Variants in ASTN2 observed in about 807,000 individuals in gnomAD.
The protein encoded by ASTN2 is astrotactin-2.
Under a neutral mutation model 139.8 loss-of-function variants are expected in ASTN2, and 54 were observed. The ratio of observed to expected loss-of-function variants is 0.39; its 90% CI spans 0.31 to 0.48. The LOEUF is 0.48. Ranked by LOEUF, ASTN2 falls within the 20% of genes least tolerant of loss-of-function variation. The pLI, the probability that ASTN2 is intolerant of heterozygous loss-of-function variation, is 0.95. For synonymous variants in ASTN2, 756 were observed against 719.5 expected (o/e 1.05, Z -0.81); for missense variants, 1,565 against 1,725.1 (o/e 0.91, Z 1.64).
intron 1 of ASTN2, among the ~76,000 whole-genome samples, chr9:117,394,265 A>T (rs892033880): frequency 7.9e-5 from 12 of 152,348 alleles, no homozygotes; most frequent in African/African-American, 2.9e-4. Context: ...AAATTTCTGC[A>T]ATACTGGACA....
chr9:117,091,171 A>C (rs924355774), intron 5 of ASTN2, among the ~76,000 whole-genome samples: 2 of 152,204 alleles, frequency 1.3e-5, no homozygotes, highest in Non-Finnish European at 2.9e-5. Flanking sequence ...GGCAGGCATA[A>C]AGCGAGACAA....
At chr9:116,735,109 C>A (rs187948679) in intron 13 of ASTN2, among the ~76,000 whole-genome samples, 1 of 152,150 alleles carries the variant, frequency 6.6e-6, no homozygotes, top group African/African-American at 2.4e-5. Flanking sequence ...AGCTGGGATA[C>A]GAACCCAGGT....
intron 5 of ASTN2, among the ~76,000 whole-genome samples, chr9:117,094,089 A>G (rs1398397993): frequency 6.7e-6 from 1 of 150,348 alleles, no homozygotes; most frequent in Non-Finnish European, 1.5e-5. Flanking sequence ...TGTGGTATGT[A>G]TCAAAGGAAG....
chr9:116,569,721 G>C (rs2131684791), intron 19 of ASTN2, among the ~76,000 whole-genome samples: 1 of 152,280 alleles, frequency 6.6e-6, no homozygotes, highest in Middle Eastern at 3.4e-3. Flanking sequence ...CATATGGTAG[G>C]CTGCGTGATG....
intron 15 of ASTN2, among the ~76,000 whole-genome samples, chr9:116,727,483 G>C (rs1013130686): frequency 4.6e-5 from 7 of 152,082 alleles, no homozygotes; most frequent in African/African-American, 7.2e-5. Context: ...CTTCTAACAG[G>C]AACATCATAG....
chr9:116,902,914 A>G (rs983382135), intron 10 of ASTN2, among the ~76,000 whole-genome samples: 2 of 152,068 alleles, frequency 1.3e-5, no homozygotes, highest in African/African-American at 4.8e-5. Flanking sequence ...GGCTATTCCC[A>G]TGTCTTTGAA....
chr9:117,298,070 A>T (rs1282894436), intron 1 of ASTN2, among the ~76,000 whole-genome samples: 1 of 152,102 alleles, frequency 6.6e-6, no homozygotes, highest in Non-Finnish European at 1.5e-5. Flanking sequence ...CCAGGATGAA[A>T]TTTCTAACTT....
chr9:116,971,550 C>A (rs1309113879), intron 10 of ASTN2, among the ~76,000 whole-genome samples: 1 of 152,158 alleles, frequency 6.6e-6, no homozygotes, highest in South Asian at 2.1e-4. Context: ...AAGCCACAGA[C>A]CTAGCATACT....
chr9:116,974,449 A>G (rs1836289950), intron 10 of ASTN2, among the ~76,000 whole-genome samples: 1 of 152,084 alleles, frequency 6.6e-6, no homozygotes, highest in South Asian at 2.1e-4. Flanking sequence ...AGGATAATGT[A>G]AAGTGAAATG....
At chr9:116,517,230 A>T (rs1450296586) in intron 19 of ASTN2, among the ~76,000 whole-genome samples, 1 of 152,136 alleles carries the variant, frequency 6.6e-6, no homozygotes, top group Non-Finnish European at 1.5e-5. Context: ...ACTAAACAAA[A>T]ACACAACTGA....
rs112896086 is a variant in ASTN2 at position 117,402,027 on chromosome 9, T to C, written c.442+12470A>G. Among the ~76,000 whole-genome samples, 699 of 152,278 alleles carry C rather than the reference T, an allele frequency of 4.6e-3. 8 individuals are homozygous for C. Among genetic ancestry groups the C allele is most frequent in the African/African-American group, 0.016 (664 of 41,548 alleles). On this transcript the variant is annotated intron_variant, in intron 1 of 22. Coordinates refer to ENST00000313400, the MANE Select transcript of ASTN2 (RefSeq NM_001365068.1). ...AGGATGGCAGCTTGGATGAAGGTGATGCCAGTGGAAACTATGAAAAGTTAA... is the reference window on the plus strand; with the variant it reads ...AGGATGGCAGCTTGGATGAAGGTGACGCCAGTGGAAACTATGAAAAGTTAA...
At chr9:116,689,498 GAGGAAACTAAGGCTT>G (rs1860455990) in intron 16 of ASTN2, among the ~76,000 whole-genome samples, 1 of 152,100 alleles carries the variant, frequency 6.6e-6, no homozygotes, top group African/African-American at 2.4e-5. Context: ...TTTTACACAT[GAGGAAACTAAGGCTT>G]AGGAAGTGAC....
intron 4 of ASTN2, among the ~76,000 whole-genome samples, chr9:117,140,464 A>G (rs969968444): frequency 9.9e-5 from 15 of 152,112 alleles, no homozygotes; most frequent in Non-Finnish European, 2.1e-4. Context: ...AGAAAAAAAA[A>G]TGGTTTGGAA....
intron 10 of ASTN2, among the ~76,000 whole-genome samples, chr9:116,876,742 TA>T (rs1833311830): frequency 6.6e-6 from 1 of 152,244 alleles, no homozygotes; most frequent in Admixed American, 6.5e-5. Flanking sequence ...AGCTTTTTTT[TA>T]AGCAATAAAA....
At chr9:117,236,155 G>A (rs903206931) in intron 2 of ASTN2, among the ~76,000 whole-genome samples, 1 of 152,156 alleles carries the variant, frequency 6.6e-6, no homozygotes, top group Non-Finnish European at 1.5e-5. Flanking sequence ...AAGACCCATG[G>A]CTACTGTGCA....
At chr9:117,297,428 T>C (rs543909687) in intron 1 of ASTN2, among the ~76,000 whole-genome samples, 2 of 152,338 alleles carry the variant, frequency 1.3e-5, no homozygotes, top group African/African-American at 4.8e-5. Flanking sequence ...CATGCCCTTT[T>C]TCATCTCTAA....
At chr9:117,224,427 C>T (rs1402909396) in intron 2 of ASTN2, among the ~76,000 whole-genome samples, 1 of 152,026 alleles carries the variant, frequency 6.6e-6, no homozygotes, top group Non-Finnish European at 1.5e-5. Flanking sequence ...AGTGGTGAAA[C>T]CACTACTTCC....
intron 11 of ASTN2, among the ~76,000 whole-genome samples, chr9:116,839,009 C>G (rs1832106231): frequency 6.6e-6 from 1 of 152,196 alleles, no homozygotes; most frequent in Admixed American, 6.5e-5. Flanking sequence ...ACTTGTTCTC[C>G]TCCAAGGACT....
intron 4 of ASTN2, among the ~76,000 whole-genome samples, chr9:117,116,417 T>C (rs1278809873): frequency 1.3e-5 from 2 of 152,146 alleles, no homozygotes; most frequent in Non-Finnish European, 1.5e-5. Context: ...TGAAGCATGA[T>C]GGAGGCACTA....
Sources: allele counts gnomAD v4.1 joint callset (sites outside exome capture counted in the v4.1 genomes callset), GRCh38; gene constraint gnomAD v4.1.1; transcripts MANE v1.5; gene names NCBI Gene and HGNC (gene_info 2026-07-23, HGNC 2026-07-21).